The following ECSIT variants were observed in gnomAD, a reference collection of about 807,000 sequenced individuals.
ECSIT encodes the protein evolutionarily conserved signaling intermediate in Toll pathway, mitochondrial.
In ECSIT, 29 loss-of-function variants were observed where a neutral mutation model predicts 36.8. That is an observed-to-expected ratio of 0.79 (90% confidence interval 0.59 to 1.08). The LOEUF is 1.08. ECSIT is among the 50% of genes least tolerant of loss of function. The pLI, the probability that ECSIT is intolerant of heterozygous loss-of-function variation, is 0.00. For missense variants in ECSIT, 542 were observed against 581.0 expected (o/e 0.93, Z 0.69); for synonymous variants, 231 against 234.8 (o/e 0.98, Z 0.15).
At chr19:11,507,358 C>T in intron 7 of ECSIT, 99 bp downstream of exon 7, 1 of 938,492 alleles carries the variant, frequency 1.1e-6, no homozygotes, top group South Asian at 1.3e-5. Context: ...TTCACTGCAA[C>T]CTCAACTCCT....
At chr19:11,521,450 C>T (rs938498470) in intron 1 of ECSIT, among the ~76,000 whole-genome samples, 1 of 144,156 alleles carries the variant, frequency 6.9e-6, no homozygotes, top group East Asian at 1.9e-4. Flanking sequence ...TCCATTTATA[C>T]GTGGATTTTT....
intron 1 of ECSIT, among the ~76,000 whole-genome samples, chr19:11,524,083 C>T (rs1972162619): frequency 6.6e-6 from 1 of 152,094 alleles, no homozygotes; most frequent in Non-Finnish European, 1.5e-5. Context: ...CCACACTCAA[C>T]TAATTTTTAC....
intron 4 of ECSIT, among the ~76,000 whole-genome samples, chr19:11,510,062 G>A (rs994759863): frequency 2.0e-5 from 3 of 151,952 alleles, no homozygotes; most frequent in Admixed American, 6.6e-5. Flanking sequence ...TAGTAGAGAC[G>A]AGGTTTCTCC....
Position 11,505,983 on chromosome 19 carries a change from GGCGCCT to G in ECSIT, c.*195_*200del. Reference sequence around the variant, plus strand: ...TTTTATTTGAATTCGGAGAACCAGAGGCGCCTGCAGATTCTGGAGGGGTCTCGCCTG... The same window carrying G: ...TTTTATTTGAATTCGGAGAACCAGAGGCAGATTCTGGAGGGGTCTCGCCTG... On this transcript the variant is annotated 3_prime_UTR_variant, in exon 8 of 8. Coordinates refer to ENST00000270517, the MANE Select transcript of ECSIT (RefSeq NM_016581.5). The G allele has an allele frequency of 1.0e-6, 1 of 987,452 alleles. No individual in the cohort carries two copies. The highest frequency in any genetic ancestry group is 1.6e-5 in the African/African-American group (1 of 61,116). The allele number at this position is 987,452 out of a possible 1,614,324, so 61.2% of individuals were successfully genotyped here.
intron 4 of ECSIT, among the ~76,000 whole-genome samples, chr19:11,509,379 G>GT (rs113545500): frequency 0.054 from 7,750 of 144,804 alleles, 399 homozygotes; most frequent in African/African-American, 0.13. Context: ...CGCTGACAAA[G>GT]TTTTTTTTTT....
At position 11,506,138 on chromosome 19, in the gene ECSIT, C is replaced by A; in HGVS notation, c.*46G>T. 6.3e-7 allele frequency: 1 copy of A among 1,594,372 alleles called. No homozygotes were observed. The highest frequency in any genetic ancestry group is 1.1e-5 in the South Asian group (1 of 90,520). Reference sequence around the variant, plus strand: ...TCAAAGGGCATCTCATGCCTTCAGTCCACCGCCTCCTCGGGCCACAGCCCG... The same window carrying A: ...TCAAAGGGCATCTCATGCCTTCAGTACACCGCCTCCTCGGGCCACAGCCCG... On this transcript the variant is annotated 3_prime_UTR_variant, in exon 8 of 8. Coordinates refer to ENST00000270517, the MANE Select transcript of ECSIT (RefSeq NM_016581.5).
chr19:11,527,195 A>G (rs533879251), intron 1 of ECSIT, among the ~76,000 whole-genome samples: 1 of 152,064 alleles, frequency 6.6e-6, no homozygotes, highest in South Asian at 2.1e-4. Flanking sequence ...GGTGGCAGGC[A>G]CCTGTAATCC....
At chr19:11,513,762 G>A in intron 3 of ECSIT, 42 bp downstream of exon 3, 1 of 1,609,936 alleles carries the variant, frequency 6.2e-7, no homozygotes. Flanking sequence ...CCAGCTATCA[G>A]TGTAGCCCAC....
chr19:11,522,244 A>C, intron 1 of ECSIT: 1 of 616,408 alleles, frequency 1.6e-6, no homozygotes, highest in Admixed American at 2.4e-5. Flanking sequence ...CACCCACAAC[A>C]TGTACCAGGA....
At chr19:11,520,615 C>G (rs1417270364) in intron 1 of ECSIT, among the ~76,000 whole-genome samples, 1 of 151,610 alleles carries the variant, frequency 6.6e-6, no homozygotes, top group Admixed American at 6.6e-5. Flanking sequence ...TCCGGGCTCA[C>G]GATTCTCCTG....
At chr19:11,523,876 G>A in intron 1 of ECSIT, 6 of 474,692 alleles carry the variant, frequency 1.3e-5, no homozygotes, top group Non-Finnish European at 2.4e-5. Context: ...TTAATTGACT[G>A]TTATGTAATC....
intron 4 of ECSIT, among the ~76,000 whole-genome samples, chr19:11,511,427 C>A (rs1296019450): frequency 6.6e-6 from 1 of 152,066 alleles, no homozygotes; most frequent in Non-Finnish European, 1.5e-5. Flanking sequence ...TCAGGAAGGG[C>A]ATCCTGATTA....
At chr19:11,508,669 C>G (rs1361055069) in intron 4 of ECSIT, among the ~76,000 whole-genome samples, 1 of 152,110 alleles carries the variant, frequency 6.6e-6, no homozygotes, top group African/African-American at 2.4e-5. Context: ...TCTCCTGCGT[C>G]GGCCTCCCAA....
In ECSIT at chr19:11,514,369, C is replaced by T. The variant is rs939087849; in HGVS notation, c.97-148G>A. 4 of 756,082 alleles carry T rather than the reference C, an allele frequency of 5.3e-6. No homozygotes were observed. In the African/African-American group the frequency reaches 7.0e-5, roughly 13 times the overall value. The allele number at this position is 756,082 out of a possible 1,614,324, so 46.8% of individuals were successfully genotyped here. ...TGGTTACAAACCCAAGATTCGAGGC[C>T]ATTACAAAGTGCGATAAAACACAAT... is the stretch of plus-strand genomic sequence containing the variant. On this transcript the variant is annotated intron_variant, in intron 2 of 7. Transcript: ENST00000270517.
At chr19:11,512,190 C>T (rs1178755545) in intron 4 of ECSIT, among the ~76,000 whole-genome samples, 2 of 151,734 alleles carry the variant, frequency 1.3e-5, no homozygotes, top group African/African-American at 4.8e-5. Context: ...ACAAGAAATA[C>T]AAAAATTAGC....
chr19:11,508,095 C>T, intron 4 of ECSIT, 47 bp from the exon 5 acceptor site: 1 of 1,604,836 alleles, frequency 6.2e-7, no homozygotes, highest in Non-Finnish European at 8.5e-7. Context: ...CAATCCCCTA[C>T]AGAGGAACTG....
chr19:11,519,023 A>C lies in ECSIT; in HGVS notation c.96+52T>G. ...AGTGGATTCTGAAGGAGTTGGGAGCAAATCCCAAGCTTACCTCCCTCTACC... is the reference window on the plus strand; with the variant it reads ...AGTGGATTCTGAAGGAGTTGGGAGCCAATCCCAAGCTTACCTCCCTCTACC... On this transcript the variant is annotated intron_variant, in intron 2 of 7. Coordinates refer to ENST00000270517, the MANE Select transcript of ECSIT (RefSeq NM_016581.5). This position sits in a 1 kb window ranked among gnomAD's most constrained non-coding sequence, Gnocchi z 4.4. The C allele has an allele frequency of 6.8e-7, 1 of 1,471,752 alleles. No homozygotes were observed. The highest frequency in any genetic ancestry group is 9.3e-7 in the Non-Finnish European group (1 of 1,074,082). The allele number at this position is 1,471,752 out of a possible 1,614,324, so 91.2% of individuals were successfully genotyped here. A position where few individuals can be genotyped will look rare whatever the true frequency, so the allele number is the denominator to read the frequency against.
Position 11,505,948 on chromosome 19 carries a change from T to G in ECSIT, c.*236A>C, listed in dbSNP as rs1028097510. On this transcript the variant is annotated 3_prime_UTR_variant, in exon 8 of 8. Coordinates refer to ENST00000270517, the MANE Select transcript of ECSIT (RefSeq NM_016581.5). The stretch of plus-strand genomic sequence containing the variant: ...TGCGCATGCGCACAACCAACAGCGC[T>G]CCCGCCCCTTTTTATTTGAATTCGG... 9 of 891,088 alleles carry G rather than the reference T, an allele frequency of 1.0e-5. No homozygotes were observed. Among genetic ancestry groups the G allele is most frequent in the African/African-American group, 6.9e-5 (4 of 58,274 alleles). The allele number at this position is 891,088 out of a possible 1,614,324, so 55.2% of individuals were successfully genotyped here. A position where few individuals can be genotyped will look rare whatever the true frequency, so the allele number is the denominator to read the frequency against.
At position 11,519,543 on chromosome 19, in the gene ECSIT, G is replaced by C. The variant is rs948163305; in HGVS notation, c.-23-350C>G. 1.3e-5 allele frequency among the ~76,000 whole-genome samples: 2 copies of C among 152,064 alleles called. No individual in the cohort carries two copies. The highest frequency in any genetic ancestry group is 1.3e-4 in the Admixed American group (2 of 15,238). ...CCCAGGGTCTTGCTGTGTTGCCCAG[G>C]CTGGTCTCGAACTGTTGGCTTCAAG... On this transcript the variant is annotated intron_variant, in intron 1 of 7. Transcript: ENST00000270517. This position sits in a 1 kb window ranked among gnomAD's most constrained non-coding sequence, Gnocchi z 4.4.
Sources: gnomAD v4.1 joint callset for allele counts (sites outside exome capture counted in the v4.1 genomes callset) on GRCh38, gnomAD v4.1.1 for gene constraint, Gnocchi (gnomAD v3.1) non-coding constraint, MANE v1.5 for transcripts, NCBI Gene and HGNC (gene_info 2026-07-23, HGNC 2026-07-21) for gene names.